Variants in SEC24C observed in about 807,000 individuals in gnomAD.
SEC24C encodes SEC24 homolog C, COPII component, also known as protein transport protein Sec24C.
In SEC24C, 22 loss-of-function variants were observed where a neutral mutation model predicts 117.0. The ratio of observed to expected loss-of-function variants is 0.19; its 90% CI spans 0.13 to 0.27. The LOEUF is 0.27. SEC24C is among the 10% of genes least tolerant of loss of function. The pLI, the probability that SEC24C is intolerant of heterozygous loss-of-function variation, is 1.00. For synonymous variants in SEC24C, 506 were observed against 529.4 expected (o/e 0.96, Z 0.61); for missense variants, 1,155 against 1,375.1 (o/e 0.84, Z 2.53).
In SEC24C at chr10:73,746,933, C is replaced by T; in HGVS notation, c.101C>T (p.Ser34Phe). 6.2e-7 allele frequency: 1 copy of T among 1,614,150 alleles called. No homozygotes were observed. Among genetic ancestry groups the T allele is most frequent in the Non-Finnish European group, 8.5e-7 (1 of 1,180,004 alleles). ...TCCAGCTATGGTGGGCAATCAGGGT[C>T]CACAGCCCCCGCCATTCCCTATGGA... The part of the protein sequence containing the change: ...HQSSYGGQSG[S>F]TAPAIPYGAY... Residue 34 changes from serine (S) to phenylalanine (F), a missense_variant, in exon 2 of 23, where the codon TCC (serine) becomes TTC (phenylalanine). Physicochemically the swap from Ser to Phe is radical, Grantham distance 155. This residue lies in a region of SEC24C where 396 missense variants were observed against 382.8 expected (regional missense o/e 1.03). Transcript: ENST00000345254.
At chr10:73,755,121 A>G (rs2132535719) in intron 3 of SEC24C, among the ~76,000 whole-genome samples, 1 of 152,072 alleles carries the variant, frequency 6.6e-6, no homozygotes, top group Non-Finnish European at 1.5e-5. Context: ...TGACAGAGTA[A>G]GACCCCATCT....
Position 73,766,404 on chromosome 10 carries a change from G to T in SEC24C, c.1662G>T (p.Lys554Asn). 6.2e-7 allele frequency: 1 copy of T among 1,613,918 alleles called. No homozygotes were observed. Among genetic ancestry groups the T allele is most frequent in the Non-Finnish European group, 8.5e-7 (1 of 1,179,854 alleles). ...GCGTTGGCTTTGTCACCTACAATAA[G>T]GTGCTCCACTTCTATAATGTGAAGA... ...AIRVGFVTYN[K>N]VLHFYNVKSS... The change falls in exon 12 of 23, where the codon AAG becomes AAT. Residue 554 changes from lysine to asparagine, a missense_variant. This residue lies in a region of SEC24C where 759 missense variants were observed against 992.3 expected (regional missense o/e 0.76). Transcript: ENST00000345254.
At position 73,770,435 on chromosome 10, in the gene SEC24C, C is replaced by T; in HGVS notation, c.3018C>T (p.Phe1006=). Residue 1006 remains phenylalanine, a synonymous_variant, in exon 21 of 23, where the codon TTC becomes TTT. Transcript: ENST00000345254. ...SVQQGVVQSL[F]SVSSFSQITS... ...AACAGGGTGTTGTCCAGAGCCTTTTCAGCGTCTCCTCCTTCAGTCAGATCA... is the reference window on the plus strand; with the variant it reads ...AACAGGGTGTTGTCCAGAGCCTTTTTAGCGTCTCCTCCTTCAGTCAGATCA... The T allele has an allele frequency of 1.2e-6, 2 of 1,614,128 alleles. No individual in the cohort carries two copies. Among genetic ancestry groups the T allele is most frequent in the Middle Eastern group, 1.6e-4 (1 of 6,062 alleles).
intron 2 of SEC24C, among the ~76,000 whole-genome samples, chr10:73,749,880 C>T (rs976568291): frequency 3.9e-5 from 6 of 152,176 alleles, no homozygotes; most frequent in African/African-American, 9.7e-5. Flanking sequence ...AGTACTCTAC[C>T]GATTCTCCAG....
In SEC24C at chr10:73,746,975, T is replaced by TACC. The variant is rs753247038; in HGVS notation, c.145_147dup (p.Pro49dup). 3 of 1,613,278 alleles carry TACC rather than the reference T, an allele frequency of 1.9e-6. No individual in the cohort carries two copies. Among genetic ancestry groups the TACC allele is most frequent in the South Asian group, 2.2e-5 (2 of 90,690 alleles). On this transcript the variant is annotated inframe_insertion, in exon 2 of 23. Coordinates refer to ENST00000345254, the MANE Select transcript of SEC24C (RefSeq NM_198597.3). ...CCCTATGGAGCCTACAATGGCCCAGTACCAGGCTATCAGCAAACACCTCCC... is the reference window on the plus strand; with the variant it reads ...CCCTATGGAGCCTACAATGGCCCAGTACCACCAGGCTATCAGCAAACACCTCCC...
intron 14 of SEC24C, 74 bp downstream of exon 14, chr10:73,767,244 G>T: frequency 1.0e-6 from 1 of 979,710 alleles, no homozygotes; most frequent in Non-Finnish European, 1.6e-6. Flanking sequence ...TTTCTTGATG[G>T]TGGCTAGGAC....
In SEC24C at chr10:73,768,805, T is replaced by C; in HGVS notation, c.2182-5T>C. Reference sequence around the variant, plus strand: ...TGACATGACTCTGGACCTGGGGGCCTGCAGGTGGAGAACGACCAGGAGCGG... The same window carrying C: ...TGACATGACTCTGGACCTGGGGGCCCGCAGGTGGAGAACGACCAGGAGCGG... On this transcript the variant is annotated splice_region_variant and splice_polypyrimidine_tract_variant and intron_variant, in intron 15 of 22. Coordinates refer to ENST00000345254, the MANE Select transcript of SEC24C (RefSeq NM_198597.3). 1 of 1,612,868 alleles carries C rather than the reference T, an allele frequency of 6.2e-7. No homozygotes were observed.
At chr10:73,748,249 C>T (rs2082590582) in intron 2 of SEC24C, among the ~76,000 whole-genome samples, 2 of 152,028 alleles carry the variant, frequency 1.3e-5, no homozygotes, top group Admixed American at 6.6e-5. Flanking sequence ...AATTCTCCTG[C>T]CTCAGCCTCC....
chr10:73,745,525 C>T (rs1163831596), intron 1 of SEC24C, among the ~76,000 whole-genome samples: 3 of 149,782 alleles, frequency 2.0e-5, no homozygotes, highest in African/African-American at 4.9e-5. Flanking sequence ...TAATCTGTTA[C>T]CTTGCTAGAG....
chr10:73,759,474 A>C lies in SEC24C; in HGVS notation c.309-148A>C, dbSNP rs1184498089. On this transcript the variant is annotated intron_variant, in intron 3 of 22. Transcript: ENST00000345254. Reference sequence around the variant, plus strand: ...TCAGGAATATAATTTACCCACAAATATACAAAAGTATGAAGCCATAAAAGA... The same window carrying C: ...TCAGGAATATAATTTACCCACAAATCTACAAAAGTATGAAGCCATAAAAGA... 6.1e-6 allele frequency: 3 copies of C among 490,020 alleles called. No homozygotes were observed. In the East Asian group the frequency reaches 1.0e-4, roughly 17 times the overall value. 30.4% of individuals were successfully genotyped at this position (490,020 alleles called of 1,614,324 possible).
chr10:73,760,331 A>T lies in SEC24C; in HGVS notation c.795A>T (p.Gly265=). The change falls in exon 5 of 23, where the codon GGA becomes GGT. Residue 265 remains glycine (G), a synonymous_variant. Coordinates refer to ENST00000345254, the MANE Select transcript of SEC24C (RefSeq NM_198597.3). The part of the protein sequence containing the change: ...PPGTQMTGPL[G]PLPPMHSPQQ... The stretch of plus-strand genomic sequence containing the variant: ...GCACCCAGATGACTGGGCCCCTGGG[A>T]CCACTGCCACCTATGCACTCCCCGC... 1.9e-6 allele frequency: 3 copies of T among 1,611,178 alleles called. No homozygotes were observed. In the Admixed American group the frequency reaches 5.0e-5, roughly 27 times the overall value.
Position 73,769,941 on chromosome 10 carries a change from T to A in SEC24C, c.2788T>A (p.Tyr930Asn). ...GAEVTTDDRA[Y>N]VRQLVTSMDV... The stretch of plus-strand genomic sequence containing the variant: ...TGAAGTCACTACTGATGACCGTGCC[T>A]ATGTCCGACAGCTAGTTACCTCCAT... The change falls in exon 20 of 23, where the codon TAT becomes AAT. Residue 930 changes from tyrosine to asparagine, a missense_variant. Physicochemically the swap from Tyr to Asn is moderately radical, Grantham distance 143. Coordinates refer to ENST00000345254, the MANE Select transcript of SEC24C (RefSeq NM_198597.3). This position sits in a 1 kb window ranked among gnomAD's most constrained non-coding sequence, Gnocchi z 4.5. 6.2e-7 allele frequency: 1 copy of A among 1,614,194 alleles called. No individual in the cohort carries two copies. Among genetic ancestry groups the A allele is most frequent in the Non-Finnish European group, 8.5e-7 (1 of 1,180,016 alleles).
intron 10 of SEC24C, 25 bp downstream of exon 10, chr10:73,765,940 G>C: frequency 6.3e-7 from 1 of 1,598,224 alleles, no homozygotes; most frequent in South Asian, 1.1e-5. Flanking sequence ...CATGGGAGGA[G>C]CAGTGAGTGG....
intron 2 of SEC24C, among the ~76,000 whole-genome samples, chr10:73,747,750 C>A (rs2082580061): frequency 6.6e-6 from 1 of 150,578 alleles, no homozygotes; most frequent in Admixed American, 6.6e-5. Flanking sequence ...ACCTCCATCT[C>A]CTGGGTTCAA....
chr10:73,755,889 T>A (rs1315016283), intron 3 of SEC24C, among the ~76,000 whole-genome samples: 1 of 150,866 alleles, frequency 6.6e-6, no homozygotes, highest in African/African-American at 2.4e-5. Context: ...TCTTGCTCTG[T>A]CGCCCAGGCT....
chr10:73,763,832 C>T (rs757769411), intron 7 of SEC24C, 24 bp from the exon 8 acceptor site: 110 of 1,609,950 alleles, frequency 6.8e-5, no homozygotes, highest in Non-Finnish European at 8.5e-5. Flanking sequence ...TGATCTGACT[C>T]GGGTCTTCTG....
Position 73,769,491 on chromosome 10 carries a change from G to C in SEC24C, c.2563+6G>C, listed in dbSNP as rs762628458. ...CAACTACATGGCCAAGTTTGGTGAG[G>C]GTAGAAGCAGGGCAGGGTGGGATTG... On this transcript the variant is annotated splice_donor_region_variant and intron_variant, in intron 18 of 22. Transcript: ENST00000345254. This position sits in a 1 kb window ranked among gnomAD's most constrained non-coding sequence, Gnocchi z 4.5. 3.8e-5 allele frequency: 62 copies of C among 1,614,018 alleles called. No homozygotes were observed. The highest frequency in any genetic ancestry group is 1.6e-4 in the Middle Eastern group (1 of 6,084).
intron 1 of SEC24C, among the ~76,000 whole-genome samples, chr10:73,746,144 G>A (rs900469883): frequency 1.5e-5 from 2 of 132,452 alleles, no homozygotes; most frequent in Non-Finnish European, 3.1e-5. Context: ...TGGCAACAGA[G>A]TGAGACTCCG....
intron 8 of SEC24C, among the ~76,000 whole-genome samples, chr10:73,764,613 G>C (rs561401450): frequency 1.6e-4 from 25 of 152,020 alleles, no homozygotes; most frequent in Middle Eastern, 3.4e-3. Flanking sequence ...GTCATCTCCA[G>C]ATGATGAGAA....
Sources: allele counts gnomAD v4.1 joint callset (sites outside exome capture counted in the v4.1 genomes callset), GRCh38; gene constraint gnomAD v4.1.1; regional missense constraint gnomAD v4.1.1; non-coding constraint Gnocchi (gnomAD v3.1); transcripts MANE v1.5; gene names NCBI Gene and HGNC (gene_info 2026-07-23, HGNC 2026-07-21).